Variants in ING1 observed in about 807,000 individuals in gnomAD.
ING1 encodes inhibitor of growth family member 1, also known as inhibitor of growth protein 1.
ING1 carries 4 observed loss-of-function variants against 23.1 expected under a neutral mutation model. The observed-to-expected ratio is 0.17, with a 90% CI of 0.09 to 0.40. The LOEUF (loss-of-function observed/expected upper bound fraction) is 0.40. ING1 is among the 10% of genes least tolerant of loss of function. ING1 has a pLI of 1.00. For missense variants in ING1, 256 were observed against 393.8 expected (o/e 0.65, Z 2.96); for synonymous variants, 179 against 166.4 (o/e 1.08, Z -0.58).
Position 110,722,470 on chromosome 13 carries a change from C to T in ING1, c.*2538C>T, listed in dbSNP as rs1053360427. The T allele has an allele frequency of 8.5e-5, 13 of 152,226 alleles. No individual in the cohort carries two copies. Among genetic ancestry groups the T allele is most frequent in the African/African-American group, 2.4e-4 (10 of 41,456 alleles). The allele number at this position is 152,226 out of a possible 1,614,324, so 9.4% of individuals were successfully genotyped here. A position where few individuals can be genotyped will look rare whatever the true frequency, so the allele number is the denominator to read the frequency against. ...GAAGATTCAATGAAATGCAGTTGCT[C>T]ATCCTGGATTTCTTCATATTCAGTT... On this transcript the variant is annotated 3_prime_UTR_variant, in exon 2 of 2. Transcript: ENST00000333219.
chr13:110,719,318 C>G lies in ING1; in HGVS notation c.226C>G (p.Arg76Gly). The change falls in exon 2 of 2, where the codon CGC becomes GGC. Residue 76 changes from arginine to glycine, a missense_variant. Physicochemically the swap from Arg to Gly is moderately radical, Grantham distance 125 (BLOSUM62 -2). Around this residue, in one of 3 missense-constraint regions of ING1, gnomAD observed 209 missense variants for 273.8 expected, o/e 0.76. Coordinates refer to ENST00000333219, the MANE Select transcript of ING1 (RefSeq NM_198219.3). The surrounding 1 kb of genome is among the most constrained non-coding windows in gnomAD (Gnocchi z 8.9). The stretch of plus-strand genomic sequence containing the variant: ...GCGGCGGATGCTGCACTGTGTGCAG[C>G]GCGCGCTGATCCGCAGCCAGGAGCT... ...QKRRMLHCVQ[R>G]ALIRSQELGD... 6.2e-7 allele frequency: 1 copy of G among 1,609,222 alleles called. No homozygotes were observed. Among genetic ancestry groups the G allele is most frequent in the African/African-American group, 1.3e-5 (1 of 75,054 alleles).
At chr13:110,714,735 G>A (rs1399499095) in intron 1 of ING1, among the ~76,000 whole-genome samples, 2 of 152,196 alleles carry the variant, frequency 1.3e-5, no homozygotes, top group Admixed American at 6.5e-5. Flanking sequence ...CCTCGGTCCC[G>A]GGCAACGCCG....
chr13:110,713,723 C>T lies in ING1; in HGVS notation c.-427C>T, dbSNP rs934259352. On this transcript the variant is annotated 5_prime_UTR_variant, in exon 1 of 2. Transcript: ENST00000333219. The stretch of plus-strand genomic sequence containing the variant: ...TTGGGTTTTCCACGTTGGACAAGTG[C>T]GGCTCGGCGGCCAGCGGAGCGCGCC... 3.6e-5 allele frequency: 35 copies of T among 985,092 alleles called. 1 individual carries two copies. The highest frequency in any genetic ancestry group is 9.6e-6 in the Non-Finnish European group (8 of 829,880). The allele number at this position is 985,092 out of a possible 1,614,324, so 61.0% of individuals were successfully genotyped here. A position where few individuals can be genotyped will look rare whatever the true frequency, so the allele number is the denominator to read the frequency against.
Position 110,720,117 on chromosome 13 carries a change from C to T in ING1, c.*185C>T. On this transcript the variant is annotated 3_prime_UTR_variant, in exon 2 of 2. Transcript: ENST00000333219. Reference sequence around the variant, plus strand: ...TTTGTTTTCATTGGTACACGTGTAACAAGAAAGTGGTCTGTGGATCAGCAT... The same window carrying T: ...TTTGTTTTCATTGGTACACGTGTAATAAGAAAGTGGTCTGTGGATCAGCAT... 2.0e-6 allele frequency: 1 copy of T among 489,116 alleles called. No individual in the cohort carries two copies. The highest frequency in any genetic ancestry group is 3.6e-6 in the Non-Finnish European group (1 of 274,326). The allele number at this position is 489,116 out of a possible 1,614,324, so 30.3% of individuals were successfully genotyped here.
chr13:110,713,258 G>A, upstream of ING1: 6 of 1,341,640 alleles, frequency 4.5e-6, no homozygotes, highest in Non-Finnish European at 5.7e-6. Flanking sequence ...GGGCGGGGAC[G>A]AAGAGTCAGG....
At chr13:110,715,579 G>A (rs746330040) in intron 1 of ING1, 7 of 1,613,984 alleles carry the variant, frequency 4.3e-6, no homozygotes, top group African/African-American at 1.3e-5. Context: ...GGGGAGGAGC[G>A]GGGTGGAGGG....
chr13:110,719,692 T>G lies in ING1; in HGVS notation c.600T>G (p.Pro200=). The G allele has an allele frequency of 6.2e-7, 1 of 1,613,884 alleles. No individual in the cohort carries two copies. Among genetic ancestry groups the G allele is most frequent in the Non-Finnish European group, 8.5e-7 (1 of 1,179,948 alleles). The change falls in exon 2 of 2, where the codon CCT becomes CCG. Residue 200 remains proline, a synonymous_variant. Transcript: ENST00000333219. This position sits in a 1 kb window ranked among gnomAD's most constrained non-coding sequence, Gnocchi z 8.9. ...CCAAGGCGGAGCGAGAGGCGTCCCC[T>G]GCCGACCTCCCCATCGACCCCAACG... The part of the protein sequence containing the change: ...SKAKAEREAS[P]ADLPIDPNEP...
rs1008877281 is a variant in ING1 at position 110,720,232 on chromosome 13, A to AT, written c.*302dup. ...AGGGGGACTAAACTCAACCTAACAC[A>AT]TTAAATGTGGAAGGAAAATATTTCA... On this transcript the variant is annotated 3_prime_UTR_variant, in exon 2 of 2. Transcript: ENST00000333219. The AT allele has an allele frequency of 2.2e-5, 5 of 231,836 alleles. No homozygotes were observed. In the Admixed American group the frequency reaches 2.3e-4, roughly 11 times the overall value. 14.4% of individuals were successfully genotyped at this position (231,836 alleles called of 1,614,324 possible).
In ING1 at chr13:110,719,323, G is replaced by T; in HGVS notation, c.231G>T (p.Ala77=). 1 of 1,609,114 alleles carries T rather than the reference G, an allele frequency of 6.2e-7. No homozygotes were observed. The change falls in exon 2 of 2, where the codon GCG becomes GCT. Residue 77 remains alanine (A), a synonymous_variant. Transcript: ENST00000333219. The surrounding 1 kb of genome is among the most constrained non-coding windows in gnomAD (Gnocchi z 8.9). ...GGATGCTGCACTGTGTGCAGCGCGC[G>T]CTGATCCGCAGCCAGGAGCTGGGCG... is the stretch of plus-strand genomic sequence containing the variant. ...KRRMLHCVQR[A]LIRSQELGDE... is the part of the protein sequence containing the mutation.
chr13:110,714,190 A>G lies in ING1; in HGVS notation c.41A>G (p.Asn14Ser). The change falls in exon 1 of 2, where the codon AAC becomes AGC. Residue 14 changes from asparagine (N) to serine (S), a missense_variant. Transcript: ENST00000333219. ...PANGEQLHLV[N>S]YVEDYLDSIE... ...AACGGGGAGCAGCTCCACCTGGTGAACTATGTGGAGGACTACCTGGACTCC... is the reference window on the plus strand; with the variant it reads ...AACGGGGAGCAGCTCCACCTGGTGAGCTATGTGGAGGACTACCTGGACTCC... The G allele has an allele frequency of 6.4e-7, 1 of 1,561,394 alleles. No individual in the cohort carries two copies. Among genetic ancestry groups the G allele is most frequent in the Non-Finnish European group, 8.7e-7 (1 of 1,155,394 alleles).
intron 1 of ING1, 108 bp downstream of exon 1, chr13:110,714,393 T>C (rs2064082086): frequency 9.1e-7 from 1 of 1,101,474 alleles, no homozygotes; most frequent in Non-Finnish European, 1.2e-6. Flanking sequence ...AGCGGCCGGC[T>C]CCGCAGCGGC....
At position 110,714,686 on chromosome 13, in the gene ING1, G is replaced by T. The variant is rs572891371; in HGVS notation, c.136+401G>T. 4.6e-5 allele frequency among the ~76,000 whole-genome samples: 7 copies of T among 152,314 alleles called. No homozygotes were observed. The East Asian group carries it at 1.4e-3, about 29-fold the overall frequency. On this transcript the variant is annotated intron_variant, in intron 1 of 1. Transcript: ENST00000333219. ...AGGGCGCCGAGACGGGGCTGCAGGAGGAGGGCGGCTGTGGGCCGGGGTTCC... is the reference window on the plus strand; with the variant it reads ...AGGGCGCCGAGACGGGGCTGCAGGATGAGGGCGGCTGTGGGCCGGGGTTCC...
chr13:110,719,734 G>C lies in ING1; in HGVS notation c.642G>C (p.Leu214=). The C allele has an allele frequency of 6.2e-7, 1 of 1,614,014 alleles. No homozygotes were observed. Among genetic ancestry groups the C allele is most frequent in the Non-Finnish European group, 8.5e-7 (1 of 1,179,996 alleles). Residue 214 remains leucine, a synonymous_variant, in exon 2 of 2, where the codon CTG becomes CTC. Coordinates refer to ENST00000333219, the MANE Select transcript of ING1 (RefSeq NM_198219.3). The surrounding 1 kb of genome is among the most constrained non-coding windows in gnomAD (Gnocchi z 8.9). ...PIDPNEPTYC[L]CNQVSYGEMI... is the part of the protein sequence containing the mutation. ...ACCCCAACGAACCCACGTACTGTCTGTGCAACCAGGTCTCCTATGGGGAGA... is the reference window on the plus strand; with the variant it reads ...ACCCCAACGAACCCACGTACTGTCTCTGCAACCAGGTCTCCTATGGGGAGA...
At position 110,719,395 on chromosome 13, in the gene ING1, C is replaced by G. The variant is rs769480142; in HGVS notation, c.303C>G (p.Asn101Lys). 1 of 1,610,760 alleles carries G rather than the reference C, an allele frequency of 6.2e-7. No individual in the cohort carries two copies. The highest frequency in any genetic ancestry group is 8.5e-7 in the Non-Finnish European group (1 of 1,179,758). The change falls in exon 2 of 2, where the codon AAC becomes AAG. Residue 101 changes from asparagine to lysine, a missense_variant. Coordinates refer to ENST00000333219, the MANE Select transcript of ING1 (RefSeq NM_198219.3). The surrounding 1 kb of genome is among the most constrained non-coding windows in gnomAD (Gnocchi z 8.9). The stretch of plus-strand genomic sequence containing the variant: ...GCCAGATGGTGGAGCTGGTGGAGAA[C>G]CGCACGCGGCAGGTGGACAGCCACG... ...IVSQMVELVE[N>K]RTRQVDSHVE...
At chr13:110,714,356 G>C (rs908757894) in intron 1 of ING1, 71 bp downstream of exon 1, 23 of 1,390,040 alleles carry the variant, frequency 1.7e-5, no homozygotes, top group Non-Finnish European at 2.2e-5. Flanking sequence ...CCGCGGAGCC[G>C]GGCCGGTCCT....
Position 110,715,959 on chromosome 13 carries a change from G to C in ING1, c.136+1674G>C, listed in dbSNP as rs1255285210. 3.2e-6 allele frequency: 5 copies of C among 1,542,130 alleles called. No homozygotes were observed. The East Asian group carries it at 1.1e-4, about 35-fold the overall frequency. On this transcript the variant is annotated intron_variant, in intron 1 of 1. Transcript: ENST00000333219. ...CGGGGCCGGCTCGGAGACAGTTTCAGGCCGCATCTCTGCTGACCCGAGGGT... is the reference window on the plus strand; with the variant it reads ...CGGGGCCGGCTCGGAGACAGTTTCACGCCGCATCTCTGCTGACCCGAGGGT...
At chr13:110,713,122 G>A, upstream of ING1, 1 of 1,430,116 alleles carries the variant, frequency 7.0e-7, no homozygotes, top group Non-Finnish European at 9.1e-7. Flanking sequence ...TAAGAGTCCG[G>A]GGGGCATTAC....
At chr13:110,714,331 G>A (rs1352609149) in intron 1 of ING1, 46 bp downstream of exon 1, 1 of 1,486,734 alleles carries the variant, frequency 6.7e-7, no homozygotes, top group Non-Finnish European at 8.9e-7. Context: ...CTCCTTCCCG[G>A]CGGGTCCGGG....
Position 110,722,841 on chromosome 13 carries a change from A to G in ING1, c.*2909A>G, listed in dbSNP as rs1056869359. ...AGTGGACATTAAAAAAAAATCACAG[A>G]TAAGTACTTAAAACACTCAAGATTT... On this transcript the variant is annotated 3_prime_UTR_variant, in exon 2 of 2. Coordinates refer to ENST00000333219, the MANE Select transcript of ING1 (RefSeq NM_198219.3). 4.6e-5 allele frequency: 7 copies of G among 152,206 alleles called. No homozygotes were observed. The highest frequency in any genetic ancestry group is 7.3e-5 in the Non-Finnish European group (5 of 68,038). The allele number at this position is 152,206 out of a possible 1,614,324, so 9.4% of individuals were successfully genotyped here.
Sources: allele counts gnomAD v4.1 joint callset (sites outside exome capture counted in the v4.1 genomes callset), GRCh38; gene constraint gnomAD v4.1.1; regional missense constraint gnomAD v4.1.1; non-coding constraint Gnocchi (gnomAD v3.1); transcripts MANE v1.5; gene names NCBI Gene and HGNC (gene_info 2026-07-23, HGNC 2026-07-21).